Variants in IGSF22 observed in about 807,000 individuals in gnomAD.
IGSF22 encodes immunoglobulin superfamily, member 22.
IGSF22 carries 119 observed loss-of-function variants against 127.0 expected under a neutral mutation model. That is an observed-to-expected ratio of 0.94 (90% CI 0.81 to 1.09). The LOEUF is 1.09. IGSF22 is among the 50% of genes least tolerant of loss of function. IGSF22 has a pLI of 0.00. For missense variants in IGSF22, 1,518 were observed against 1,716.6 expected (o/e 0.88, Z 2.04); for synonymous variants, 568 against 664.7 (o/e 0.85, Z 2.24).
At position 18,713,895 on chromosome 11, in the gene IGSF22, AT is replaced by A; in HGVS notation, c.2051del (p.Asn684MetfsTer37). On this transcript the variant is annotated frameshift_variant, in exon 14 of 23. Transcript: ENST00000513874. LOFTEE classifies it high-confidence loss of function. ...GAGTGGCCGTGGCTGAGCCGTGGTC[AT>A]TCTTGAGCTTGAGCAGGATGAGGCC... is the stretch of plus-strand genomic sequence containing the variant. ...DSGLILLKLK[N>X]DHGSATATLH... 6.2e-7 allele frequency: 1 copy of A among 1,614,234 alleles called. No homozygotes were observed. Among genetic ancestry groups the A allele is most frequent in the Non-Finnish European group, 8.5e-7 (1 of 1,180,048 alleles).
intron 4 of IGSF22, among the ~76,000 whole-genome samples, 182 bp downstream of exon 4, chr11:18,721,353 C>A (rs562662269): frequency 6.6e-6 from 1 of 152,236 alleles, no homozygotes; most frequent in Non-Finnish European, 1.5e-5. Flanking sequence ...CCGGCAATAT[C>A]CCGGTTCCTG....
Position 18,709,700 on chromosome 11 carries a change from A to C in IGSF22, c.2702-17T>G, listed in dbSNP as rs370073936. The C allele has an allele frequency of 6.2e-7, 1 of 1,607,364 alleles. No homozygotes were observed. Among genetic ancestry groups the C allele is most frequent in the African/African-American group, 1.3e-5 (1 of 74,848 alleles). ...CTGGGGGTTCTGGGGTAGAACAGAC[A>C]TGTAGTCAGCCCCTCCAACTCATCT... is the stretch of plus-strand genomic sequence containing the variant. On this transcript the variant is annotated splice_polypyrimidine_tract_variant and intron_variant, in intron 17 of 22. Coordinates refer to ENST00000513874, the MANE Select transcript of IGSF22 (RefSeq NM_173588.4). The surrounding 1 kb of genome is among the most constrained non-coding windows in gnomAD (Gnocchi z 4.8).
chr11:18,706,206 C>T (rs1311611569), intron 21 of IGSF22, 60 bp from the exon 22 acceptor site: 6 of 1,439,978 alleles, frequency 4.2e-6, no homozygotes, highest in Non-Finnish European at 4.6e-6. Flanking sequence ...CCACCACCCA[C>T]GTCTTACAGT....
At chr11:18,711,405 T>A (rs1412019875) in intron 15 of IGSF22, among the ~76,000 whole-genome samples, 4 of 152,134 alleles carry the variant, frequency 2.6e-5, no homozygotes, top group East Asian at 3.9e-4. Flanking sequence ...AATAATAATA[T>A]TATTATTTTT....
Position 18,716,650 on chromosome 11 carries a change from A to G in IGSF22, c.1246+78T>C. ...AAAAAGGAGATGGATGGATAGATGG[A>G]TATATAAATGATGACTACCTGCATG... On this transcript the variant is annotated intron_variant, in intron 10 of 22. Transcript: ENST00000513874. The surrounding 1 kb of genome is among the most constrained non-coding windows in gnomAD (Gnocchi z 4.5). 3 of 1,418,916 alleles carry G rather than the reference A, an allele frequency of 2.1e-6. No individual in the cohort carries two copies. The South Asian group carries it at 3.7e-5, about 18-fold the overall frequency. The allele number at this position is 1,418,916 out of a possible 1,614,324, so 87.9% of individuals were successfully genotyped here. A position where few individuals can be genotyped will look rare whatever the true frequency, so the allele number is the denominator to read the frequency against.
intron 7 of IGSF22, 30 bp downstream of exon 7, chr11:18,719,686 G>T: frequency 3.1e-6 from 5 of 1,605,814 alleles, no homozygotes; most frequent in Middle Eastern, 1.7e-4. Flanking sequence ...CCCCTAGCCT[G>T]CAGGCCCCTG....
rs1410196892 is a variant in IGSF22, at chr11:18,718,096, G to C, written c.811-3C>G. ...TGGATCCTCAGTGGCTCAGTACCCT[G>C]CCTCATGGAACAGGTAGGAAAGCTG... On this transcript the variant is annotated splice_region_variant and splice_polypyrimidine_tract_variant and intron_variant, in intron 8 of 22. Coordinates refer to ENST00000513874, the MANE Select transcript of IGSF22 (RefSeq NM_173588.4). The C allele has an allele frequency of 1.4e-5, 22 of 1,613,202 alleles. No individual in the cohort carries two copies. Among genetic ancestry groups the C allele is most frequent in the African/African-American group, 2.7e-5 (2 of 74,924 alleles).
chr11:18,710,300 G>T, intron 17 of IGSF22, 27 bp downstream of exon 17: 1 of 1,610,586 alleles, frequency 6.2e-7, no homozygotes, highest in Non-Finnish European at 8.5e-7. Context: ...TCCATTATGT[G>T]TCAGGACCTG....
At position 18,712,258 on chromosome 11, in the gene IGSF22, C is replaced by T. The variant is rs1564870543; in HGVS notation, c.2222G>A (p.Arg741Lys). The T allele has an allele frequency of 6.4e-7, 1 of 1,551,754 alleles. No individual in the cohort carries two copies. Among genetic ancestry groups the T allele is most frequent in the Non-Finnish European group, 8.7e-7 (1 of 1,147,008 alleles). Residue 741 changes from arginine (R) to lysine (K), a missense_variant, in exon 15 of 23, where the codon AGG (arginine) becomes AAG (lysine). Transcript: ENST00000513874. The part of the protein sequence containing the change: ...RPVTQFIVER[R>K]AVGKKSWIKI... ...AATCCAGGACTTCTTGCCAACTGCC[C>T]TCCGTTCCACTATGAACTGTGTCAC... is the stretch of plus-strand genomic sequence containing the variant.
At position 18,718,689 on chromosome 11, in the gene IGSF22, T is replaced by G; in HGVS notation, c.736A>C (p.Lys246Gln). Reference sequence around the variant, plus strand: ...TCAAAGACCACTGTGGTGTCAACCTTGGTCTCTTTGTCTTCCAGGGGCTTC... The same window carrying G: ...TCAAAGACCACTGTGGTGTCAACCTGGGTCTCTTTGTCTTCCAGGGGCTTC... The part of the protein sequence containing the change: ...ILKPLEDKET[K>Q]VDTTVVFDCI... Residue 246 changes from lysine to glutamine, a missense_variant, in exon 8 of 23, where the codon AAG (lysine) becomes CAG (glutamine). Physicochemically the swap from Lys to Gln is moderately conservative, Grantham distance 53. Transcript: ENST00000513874. 6.2e-7 allele frequency: 1 copy of G among 1,613,532 alleles called. No homozygotes were observed. Among genetic ancestry groups the G allele is most frequent in the Non-Finnish European group, 8.5e-7 (1 of 1,179,456 alleles).
intron 22 of IGSF22, among the ~76,000 whole-genome samples, chr11:18,705,067 G>T (rs1173175408): frequency 6.7e-6 from 1 of 149,384 alleles, no homozygotes; most frequent in Non-Finnish European, 1.5e-5. Context: ...TCTATAACTG[G>T]ATAAAAAAGG....
chr11:18,714,055 A>C lies in IGSF22; in HGVS notation c.1892T>G (p.Phe631Cys), dbSNP rs1275717939. The C allele has an allele frequency of 1.9e-6, 3 of 1,614,114 alleles. No individual in the cohort carries two copies. Among genetic ancestry groups the C allele is most frequent in the African/African-American group, 2.7e-5 (2 of 74,940 alleles). ...VGHTAHIKVP[F>C]RGKPLPKVTW... Reference sequence around the variant, plus strand: ...CACTTTGGGCAGTGGTTTTCCCCGGAAGGGGACCTTGATGTGGGCCGTGTG... The same window carrying C: ...CACTTTGGGCAGTGGTTTTCCCCGGCAGGGGACCTTGATGTGGGCCGTGTG... Residue 631 changes from phenylalanine to cysteine, a missense_variant, in exon 14 of 23, where the codon TTC becomes TGC. By Grantham distance (205) the Phe-to-Cys change is radical (BLOSUM62 -2). Around this residue, in one of 3 missense-constraint regions of IGSF22, gnomAD observed 1,456 missense variants for 1,644.9 expected, o/e 0.89. Coordinates refer to ENST00000513874, the MANE Select transcript of IGSF22 (RefSeq NM_173588.4).
chr11:18,707,876 A>T lies in IGSF22; in HGVS notation c.3208T>A (p.Ser1070Thr). ...FLINSTKRSD[S>T]GVYRILLQNE... ...TGAAGCAAGATTCGGTACACCCCTG[A>T]GTCAGAGCGCTTGGTGCTATTAATG... Residue 1070 changes from serine (S) to threonine (T), a missense_variant, in exon 20 of 23, where the codon TCA (serine) becomes ACA (threonine). Ser to Thr is a moderately conservative substitution (Grantham distance 58). Coordinates refer to ENST00000513874, the MANE Select transcript of IGSF22 (RefSeq NM_173588.4). 5.0e-6 allele frequency: 8 copies of T among 1,614,120 alleles called. No homozygotes were observed. The highest frequency in any genetic ancestry group is 6.8e-6 in the Non-Finnish European group (8 of 1,180,014).
chr11:18,708,030 C>G, intron 19 of IGSF22, 34 bp from the exon 20 acceptor site: 2 of 1,611,020 alleles, frequency 1.2e-6, no homozygotes, highest in Non-Finnish European at 1.7e-6. Flanking sequence ...CAACTGGTCA[C>G]ACAGATGATA....
chr11:18,712,289 G>A lies in IGSF22; in HGVS notation c.2191C>T (p.Arg731Ter), dbSNP rs539742661. The A allele has an allele frequency of 2.4e-5, 38 of 1,551,670 alleles. No homozygotes were observed. In the East Asian group the frequency reaches 3.7e-4, roughly 15 times the overall value. The change falls in exon 15 of 23, where the codon CGA (arginine) becomes TGA (stop). Residue 731 changes from arginine to a stop codon, truncating the protein, a stop_gained. Transcript: ENST00000513874. LOFTEE classifies it high-confidence loss of function. ...KWKAPKDNGGRPVTQFIVERR... is the reference protein window; with the variant it reads ...KWKAPKDNGG ...TCCACTATGAACTGTGTCACAGGTC[G>A]TCCACCATTGTCCTTTGGGGCCTTC...
chr11:18,717,138 G>T lies in IGSF22; in HGVS notation c.974-138C>A, dbSNP rs546269146. 8 of 878,308 alleles carry T rather than the reference G, an allele frequency of 9.1e-6. No individual in the cohort carries two copies. In the South Asian group the frequency reaches 1.2e-4, roughly 14 times the overall value. The allele number at this position is 878,308 out of a possible 1,614,324, so 54.4% of individuals were successfully genotyped here. A position where few individuals can be genotyped will look rare whatever the true frequency, so the allele number is the denominator to read the frequency against. On this transcript the variant is annotated intron_variant, in intron 9 of 22. Coordinates refer to ENST00000513874, the MANE Select transcript of IGSF22 (RefSeq NM_173588.4). ...GCACCCTGCCTTTGGTTTTGTTTTC[G>T]AGCCCTTCTCTCCTGGAGTCCCCTC...
At chr11:18,706,686 C>T in intron 21 of IGSF22, 3 of 494,136 alleles carry the variant, frequency 6.1e-6, no homozygotes, top group East Asian at 3.2e-5. Flanking sequence ...GCCCCTCCAC[C>T]GTCCTCTCTG....
At chr11:18,718,972 C>G (rs1388498875) in intron 7 of IGSF22, among the ~76,000 whole-genome samples, 1 of 152,154 alleles carries the variant, frequency 6.6e-6, no homozygotes. Flanking sequence ...TATATAGATT[C>G]CCTAATTCCA....
rs988299902 is a variant in IGSF22, at chr11:18,708,191, G to A, written c.3087+16C>T. 9 of 1,538,226 alleles carry A rather than the reference G, an allele frequency of 5.9e-6. No individual in the cohort carries two copies. The highest frequency in any genetic ancestry group is 2.4e-5 in the East Asian group (1 of 41,452). On this transcript the variant is annotated intron_variant, in intron 19 of 22. Transcript: ENST00000513874. ...ATGTGGACAGTGTATGGAGGTCAGG[G>A]TCAGGGACAACTCACAGAGAAGGCT... is the stretch of plus-strand genomic sequence containing the variant.
Sources: gnomAD v4.1 joint callset for allele counts (sites outside exome capture counted in the v4.1 genomes callset) on GRCh38, gnomAD v4.1.1 for gene constraint, gnomAD v4.1.1 regional missense constraint, Gnocchi (gnomAD v3.1) non-coding constraint, MANE v1.5 for transcripts, NCBI Gene and HGNC (gene_info 2026-07-23, HGNC 2026-07-21) for gene names.